The following ENTREP2 variants were observed in gnomAD, a reference collection of about 807,000 sequenced individuals.
The protein encoded by ENTREP2 is protein ENTREP2.
At chr15:29,253,840 A>G in the ENTREP2 span, among the ~76,000 whole-genome samples, 1 of 151,944 alleles carries the variant, frequency 6.6e-6, no homozygotes. Context: ...TCACTCTGTC[A>G]TTTTTTCTTT....
chr15:29,518,045 T>G, the ENTREP2 span, among the ~76,000 whole-genome samples: 2 of 152,040 alleles, frequency 1.3e-5, no homozygotes, highest in Admixed American at 6.6e-5. Flanking sequence ...AAGACCAGCC[T>G]GGGCAACACA....
chr15:29,629,035 C>G, the ENTREP2 span, among the ~76,000 whole-genome samples: 3 of 152,190 alleles, frequency 2.0e-5, no homozygotes. Context: ...GATGTGTAAT[C>G]CACTATGCCC....
chr15:29,356,635 T>C, the ENTREP2 span, among the ~76,000 whole-genome samples: 3 of 151,724 alleles, frequency 2.0e-5, no homozygotes, highest in South Asian at 4.2e-4. Context: ...CATATTGATA[T>C]AGAAGTTAAA....
chr15:29,296,169 C>T, the ENTREP2 span, among the ~76,000 whole-genome samples: 1 of 152,196 alleles, frequency 6.6e-6, no homozygotes, highest in Admixed American at 6.5e-5. Flanking sequence ...AACAATCTCT[C>T]TCTATGTATA....
At chr15:29,462,989 T>C in the ENTREP2 span, among the ~76,000 whole-genome samples, 18 of 152,208 alleles carry the variant, frequency 1.2e-4, no homozygotes, top group Admixed American at 5.9e-4. Context: ...TCCTGCCTCC[T>C]GAAACCTTGG....
chr15:29,319,868 C>A, the ENTREP2 span, among the ~76,000 whole-genome samples: 2 of 152,132 alleles, frequency 1.3e-5, no homozygotes, highest in South Asian at 2.1e-4. Context: ...AGTGAGACTG[C>A]TGGGGCTGCA....
the ENTREP2 span, among the ~76,000 whole-genome samples, chr15:29,398,490 G>A: frequency 1.3e-5 from 2 of 151,978 alleles, no homozygotes; most frequent in African/African-American, 2.4e-5. Flanking sequence ...TTGGGAGGCC[G>A]AGGCTAGCGG....
chr15:29,594,360 C>T, the ENTREP2 span, among the ~76,000 whole-genome samples: 6 of 152,160 alleles, frequency 3.9e-5, no homozygotes, highest in African/African-American at 1.2e-4. Flanking sequence ...AGTTTCCTAG[C>T]GTGTAGGAGC....
the ENTREP2 span, among the ~76,000 whole-genome samples, chr15:29,673,886 C>T: frequency 6.6e-6 from 1 of 151,056 alleles, no homozygotes; most frequent in African/African-American, 2.5e-5. Context: ...TATAATTTTG[C>T]AAAGGCAGAT....
At chr15:29,517,755 A>C in the ENTREP2 span, among the ~76,000 whole-genome samples, 2 of 152,146 alleles carry the variant, frequency 1.3e-5, no homozygotes, top group African/African-American at 4.8e-5. Context: ...GTGAAAGGTG[A>C]CATTTTATGT....
the ENTREP2 span, among the ~76,000 whole-genome samples, chr15:29,390,931 C>T: frequency 6.6e-6 from 1 of 152,170 alleles, no homozygotes; most frequent in Non-Finnish European, 1.5e-5. Flanking sequence ...AGCCAGCATT[C>T]ACTGTGTGTG....
chr15:29,394,878 ATC>A, the ENTREP2 span, among the ~76,000 whole-genome samples: 475 of 42,924 alleles, frequency 0.011, 3 homozygotes, highest in African/African-American at 0.02. Flanking sequence ...ATGTGTCAGA[ATC>A]TCTTTTTTTT....
At chr15:29,581,968 G>A in the ENTREP2 span, among the ~76,000 whole-genome samples, 7 of 149,684 alleles carry the variant, frequency 4.7e-5, no homozygotes, top group Non-Finnish European at 7.4e-5. Flanking sequence ...TTTAGATAGA[G>A]GCTTGCTCTG....
chr15:29,470,094 G>A, the ENTREP2 span, among the ~76,000 whole-genome samples: 63,929 of 152,098 alleles, frequency 0.42, 14,149 homozygotes, highest in African/African-American at 0.57. Flanking sequence ...ACTAAAAGGA[G>A]CCTAAGACAA....
the ENTREP2 span, among the ~76,000 whole-genome samples, chr15:29,597,316 C>T: frequency 6.6e-6 from 1 of 152,052 alleles, no homozygotes; most frequent in Non-Finnish European, 1.5e-5. Context: ...TGCCTGTAAT[C>T]CCAGCACTTT....
the ENTREP2 span, chr15:29,123,317 C>CA: frequency 6.7e-7 from 1 of 1,488,774 alleles, no homozygotes; most frequent in Non-Finnish European, 9.0e-7. Context: ...CGTTGGTGTC[C>CA]ACGGTCAGAA....
At chr15:29,308,204 C>T in the ENTREP2 span, among the ~76,000 whole-genome samples, 3 of 151,952 alleles carry the variant, frequency 2.0e-5, no homozygotes, top group Admixed American at 6.6e-5. Flanking sequence ...AGTGAAACCC[C>T]GTCTCTACTA....
the ENTREP2 span, among the ~76,000 whole-genome samples, chr15:29,551,563 C>T: frequency 6.6e-6 from 1 of 152,108 alleles, no homozygotes; most frequent in Non-Finnish European, 1.5e-5. Flanking sequence ...TCATAAGATA[C>T]CAGTTCTCAG....
chr15:29,457,848 G>A, the ENTREP2 span, among the ~76,000 whole-genome samples: 1 of 152,098 alleles, frequency 6.6e-6, no homozygotes. Flanking sequence ...TTCCAAATAA[G>A]AACACTGCAG....
Sources: allele counts gnomAD v4.1 joint callset (sites outside exome capture counted in the v4.1 genomes callset), GRCh38; gene constraint gnomAD v4.1.1; transcripts MANE v1.5; gene names NCBI Gene and HGNC (gene_info 2026-07-23, HGNC 2026-07-21).